The following FRMD3 variants were observed in gnomAD, a reference collection of about 807,000 sequenced individuals.
FRMD3 encodes the protein FERM domain containing 3.
In FRMD3, 33 loss-of-function variants were observed where a neutral mutation model predicts 70.2. The ratio of observed to expected loss-of-function variants is 0.47; its 90% CI spans 0.36 to 0.63. The LOEUF (loss-of-function observed/expected upper bound fraction) is 0.63. Among genes scored for constraint, FRMD3 ranks in the 20% least tolerant of loss-of-function variants. The pLI, the probability that FRMD3 is intolerant of heterozygous loss-of-function variation, is 0.00. For synonymous variants in FRMD3, 279 were observed against 255.9 expected, an observed-to-expected ratio of 1.09 and a Z score of -0.86; for missense variants, 632 against 711.4, an observed-to-expected ratio of 0.89 and a Z score of 1.27.
chr9:83,286,953 G>A (rs1834241186), intron 13 of FRMD3, among the ~76,000 whole-genome samples: 1 of 152,182 alleles, frequency 6.6e-6, no homozygotes, highest in South Asian at 2.1e-4. Context: ...ACATAAAGAG[G>A]TTGAAGTGTT....
At chr9:83,524,217 C>T (rs1028319661) in intron 1 of FRMD3, among the ~76,000 whole-genome samples, 3 of 152,306 alleles carry the variant, frequency 2.0e-5, no homozygotes, top group Admixed American at 2.0e-4. Flanking sequence ...TAGAAAATTT[C>T]ATTAGCATTA....
At chr9:83,581,615 T>A in the FRMD3 span, among the ~76,000 whole-genome samples, 1 of 152,136 alleles carries the variant, frequency 6.6e-6, no homozygotes, top group Non-Finnish European at 1.5e-5. Flanking sequence ...TAGGTATATG[T>A]CCAACAAAAG....
intron 1 of FRMD3, among the ~76,000 whole-genome samples, chr9:83,455,317 C>A (rs1827786833): frequency 6.6e-6 from 1 of 152,130 alleles, no homozygotes; most frequent in South Asian, 2.1e-4. Context: ...TGTCCCCTCC[C>A]AAATCTCAAC....
At position 83,309,589 on chromosome 9, in the gene FRMD3, T is replaced by C. The variant is rs776047495; in HGVS notation, c.873A>G (p.Pro291=). Residue 291 remains proline (P), a synonymous_variant, in exon 10 of 14, where the codon CCA becomes CCG. Transcript: ENST00000304195. ...ACTTCCAAAGATGTTTGCAGGCAGC[T>C]GGTGTTGAAGTATGGAATGCCAACA... ...KAMLAFHTST[P]AACKHLWKCG... 1.9e-6 allele frequency: 3 copies of C among 1,599,600 alleles called. No homozygotes were observed. The highest frequency in any genetic ancestry group is 4.5e-5 in the East Asian group (2 of 44,750).
intron 1 of FRMD3, among the ~76,000 whole-genome samples, chr9:83,536,340 C>A (rs1389557866): frequency 6.6e-6 from 1 of 152,116 alleles, no homozygotes; most frequent in Non-Finnish European, 1.5e-5. Context: ...AGGAAGACTT[C>A]ATCCTGAGGG....
At chr9:83,300,706 T>C (rs1335792691) in intron 10 of FRMD3, among the ~76,000 whole-genome samples, 2 of 152,208 alleles carry the variant, frequency 1.3e-5, no homozygotes, top group African/African-American at 4.8e-5. Context: ...TAAAAATATA[T>C]AAAATACATT....
chr9:83,558,277 T>TGC, the FRMD3 span, among the ~76,000 whole-genome samples: 46 of 151,988 alleles, frequency 3.0e-4, 1 homozygote, highest in East Asian at 1.4e-3. Flanking sequence ...TGTGTGTGTG[T>TGC]GCGCGCGCGC....
the FRMD3 span, among the ~76,000 whole-genome samples, chr9:83,572,219 T>A: frequency 6.6e-6 from 1 of 151,938 alleles, no homozygotes; most frequent in Non-Finnish European, 1.5e-5. Flanking sequence ...AGCACATTTG[T>A]AGTCTAATGA....
chr9:83,267,288 TG>T, intron 13 of FRMD3: 2 of 1,474,862 alleles, frequency 1.4e-6, no homozygotes, highest in East Asian at 5.0e-5. Context: ...AAATAACTCA[TG>T]AGGGATCAGC....
intron 2 of FRMD3, among the ~76,000 whole-genome samples, chr9:83,385,953 A>C (rs1045013638): frequency 2.0e-5 from 3 of 152,122 alleles, no homozygotes; most frequent in South Asian, 2.1e-4. Flanking sequence ...GTGTTTCCTC[A>C]TGTCTCACCT....
intron 3 of FRMD3, chr9:83,350,905 G>T: frequency 2.0e-6 from 1 of 494,634 alleles, no homozygotes; most frequent in South Asian, 8.8e-5. Flanking sequence ...GTAGTGAGAT[G>T]CATTCAGATT....
intron 3 of FRMD3, among the ~76,000 whole-genome samples, chr9:83,354,141 G>C (rs924321133): frequency 2.0e-5 from 3 of 152,112 alleles, no homozygotes; most frequent in Non-Finnish European, 4.4e-5. Context: ...GGCCAGGCTG[G>C]TCTCGAACTC....
chr9:83,563,140 CAGA>C, the FRMD3 span, among the ~76,000 whole-genome samples: 4 of 152,122 alleles, frequency 2.6e-5, no homozygotes, highest in Admixed American at 1.3e-4. Context: ...TCTTTTATGA[CAGA>C]AGGAGAATTA....
chr9:83,436,801 A>G (rs143422531), intron 1 of FRMD3, among the ~76,000 whole-genome samples: 16 of 142,216 alleles, frequency 1.1e-4, no homozygotes, highest in Non-Finnish European at 1.2e-4. Context: ...AAAAAAAAAA[A>G]CAAGACAGCT....
chr9:83,318,127 T>C (rs1835655341), intron 6 of FRMD3, among the ~76,000 whole-genome samples: 1 of 152,208 alleles, frequency 6.6e-6, no homozygotes. Context: ...ATGTCTATTT[T>C]CTATATATTT....
intron 1 of FRMD3, among the ~76,000 whole-genome samples, chr9:83,409,951 G>A (rs1826233147): frequency 6.6e-6 from 1 of 152,156 alleles, no homozygotes; most frequent in Non-Finnish European, 1.5e-5. Flanking sequence ...TGAAACTGAT[G>A]GACAGATACA....
At chr9:83,476,092 A>C (rs1215161103) in intron 1 of FRMD3, among the ~76,000 whole-genome samples, 1 of 152,186 alleles carries the variant, frequency 6.6e-6, no homozygotes, top group Non-Finnish European at 1.5e-5. Context: ...TATAGTTAAA[A>C]GAATATGTTG....
rs1305655248 is a variant in FRMD3, at chr9:83,479,766, G to A, written c.147+58319C>T. Among the ~76,000 whole-genome samples, 13 of 68,086 alleles carry A rather than the reference G, an allele frequency of 1.9e-4. 1 individual carries two copies. Among genetic ancestry groups the A allele is most frequent in the African/African-American group, 4.7e-4 (7 of 14,842 alleles). The allele number at this position is 68,086 out of a possible 152,430, so 44.7% of individuals were successfully genotyped here. On this transcript the variant is annotated intron_variant, in intron 1 of 13. Coordinates refer to ENST00000304195, the MANE Select transcript of FRMD3 (RefSeq NM_174938.6). ...AAAAGAAAAGAGAAGAAGAAGGGAG[G>A]GAGGGAGGGAGGGAGGGAGGGAAGG... is the stretch of plus-strand genomic sequence containing the variant.
At chr9:83,548,714 T>C in the FRMD3 span, among the ~76,000 whole-genome samples, 1 of 152,158 alleles carries the variant, frequency 6.6e-6, no homozygotes, top group Non-Finnish European at 1.5e-5. Flanking sequence ...CGAACCCTAA[T>C]ATAAACTATA....
Sources: gnomAD v4.1 joint callset for allele counts (sites outside exome capture counted in the v4.1 genomes callset) on GRCh38, gnomAD v4.1.1 for gene constraint, MANE v1.5 for transcripts, NCBI Gene and HGNC (gene_info 2026-07-23, HGNC 2026-07-21) for gene names.